The following KYAT1 variants were observed in gnomAD, a reference collection of about 807,000 sequenced individuals.
The protein encoded by KYAT1 is kynurenine--oxoglutarate transaminase 1.
In KYAT1, 47 loss-of-function variants were observed where a neutral mutation model predicts 52.4. The ratio of observed to expected loss-of-function variants is 0.90; its 90% CI spans 0.71 to 1.14. The LOEUF is 1.14. Among genes scored for constraint, KYAT1 ranks in the 50% most tolerant of loss-of-function variants. The probability of loss-of-function intolerance (pLI) is 0.00; values close to 1 mark genes in which losing one functional copy is unlikely to be tolerated. For missense variants in KYAT1, 480 were observed against 557.9 expected (o/e 0.86, Z 1.41); for synonymous variants, 212 against 209.6 (o/e 1.01, Z -0.10).
At chr9:128,845,252 A>G in intron 2 of KYAT1, 101 bp downstream of exon 2, 1 of 877,780 alleles carries the variant, frequency 1.1e-6, no homozygotes, top group Non-Finnish European at 1.8e-6. Context: ...CAGTCTGTGT[A>G]CCGCCACCAT....
chr9:128,854,444 TCG>T (rs969087656), intron 1 of KYAT1, among the ~76,000 whole-genome samples: 2 of 152,356 alleles, frequency 1.3e-5, no homozygotes, highest in East Asian at 3.9e-4. Context: ...GAGGTTTTGC[TCG>T]TGTTTCACCA....
intron 11 of KYAT1, chr9:128,835,068 C>CA: frequency 2.1e-6 from 1 of 470,814 alleles, no homozygotes; most frequent in East Asian, 4.2e-5. Context: ...ACCTGGGGGG[C>CA]AGAGCTTGCA....
chr9:128,842,945 T>C lies in KYAT1; in HGVS notation c.54-144A>G, dbSNP rs1832461695. On this transcript the variant is annotated intron_variant, in intron 2 of 12. Coordinates refer to ENST00000302586, the MANE Select transcript of KYAT1 (RefSeq NM_004059.5). ...ACTTTGGGAGGCCGAGGTGGGCGGA[T>C]CACCTGAGGTCAGGAGTTTGAGACC... The C allele has an allele frequency of 1.2e-5, 8 of 678,784 alleles. No homozygotes were observed. In the South Asian group the frequency reaches 1.4e-4, roughly 12 times the overall value. 42.0% of individuals were successfully genotyped at this position (678,784 alleles called of 1,614,324 possible).
At chr9:128,842,829 A>G (rs1832439088) in intron 2 of KYAT1, 28 bp from the exon 3 acceptor site, 1 of 1,604,064 alleles carries the variant, frequency 6.2e-7, no homozygotes, top group Non-Finnish European at 8.5e-7. Flanking sequence ...AATCAGCACC[A>G]GCCCAGCCCT....
intron 2 of KYAT1, 51 bp downstream of exon 2, chr9:128,845,302 A>C: frequency 1.0e-5 from 16 of 1,541,158 alleles, no homozygotes; most frequent in African/African-American, 2.7e-5. Context: ...AGGGATGGCC[A>C]ACCCATGCCC....
intron 1 of KYAT1, among the ~76,000 whole-genome samples, chr9:128,876,163 C>T (rs1837999557): frequency 6.6e-6 from 1 of 151,868 alleles, no homozygotes; most frequent in African/African-American, 2.4e-5. Flanking sequence ...GCCTTGAACT[C>T]CTGAGCTCAA....
At chr9:128,879,126 C>T (rs1454503232) in intron 1 of KYAT1, among the ~76,000 whole-genome samples, 4 of 152,106 alleles carry the variant, frequency 2.6e-5, no homozygotes, top group Admixed American at 6.5e-5. Context: ...CTGGCTAACA[C>T]GGTGAAACCC....
At chr9:128,865,338 TATA>T (rs1836147401) in intron 1 of KYAT1, among the ~76,000 whole-genome samples, 4 of 2,164 alleles carry the variant, frequency 1.8e-3, no homozygotes, top group South Asian at 0.015. Flanking sequence ...TATATATATA[TATA>T]TATATATATA....
In KYAT1 at chr9:128,833,626, C is replaced by G. The variant is rs772119011; in HGVS notation, c.1227G>C (p.Gln409His). ...ACTTCCGCAGCTTCTCGTCCATGGC[C>G]TGGAGCGTGGCTTCATCCTGCGCCA... ...FCFVKDEATLQAMDEKLRKWK... is the reference protein window; with the variant it reads ...FCFVKDEATLHAMDEKLRKWK... The change falls in exon 13 of 13, where the codon CAG becomes CAC. Residue 409 changes from glutamine (Q) to histidine (H), a missense_variant. Transcript: ENST00000302586. 1.2e-6 allele frequency: 2 copies of G among 1,614,112 alleles called. No individual in the cohort carries two copies. Among genetic ancestry groups the G allele is most frequent in the East Asian group, 2.2e-5 (1 of 44,898 alleles).
chr9:128,847,683 ATATGGTC>A, intron 1 of KYAT1: 1 of 563,908 alleles, frequency 1.8e-6, no homozygotes, highest in Non-Finnish European at 3.2e-6. Context: ...AACAACAACA[ATATGGTC>A]ATTGCGTGCC....
intron 1 of KYAT1, among the ~76,000 whole-genome samples, chr9:128,878,336 C>T (rs1304691240): frequency 1.3e-5 from 2 of 151,920 alleles, no homozygotes; most frequent in Non-Finnish European, 2.9e-5. Context: ...GGTTTTACCA[C>T]GTTGCCCAGG....
At chr9:128,846,831 G>A in intron 1 of KYAT1, 1 of 1,535,434 alleles carries the variant, frequency 6.5e-7, no homozygotes, top group Non-Finnish European at 8.7e-7. Context: ...CCGTGGAGCT[G>A]GGGATCCAAC....
intron 1 of KYAT1, among the ~76,000 whole-genome samples, chr9:128,855,989 A>G (rs1359217536): frequency 6.6e-6 from 1 of 152,204 alleles, no homozygotes; most frequent in African/African-American, 2.4e-5. Context: ...ATGATCGTAG[A>G]CAAACTGTCA....
At position 128,835,782 on chromosome 9, in the gene KYAT1, G is replaced by A; in HGVS notation, c.852C>T (p.Ser284=). 3 of 1,612,414 alleles carry A rather than the reference G, an allele frequency of 1.9e-6. No individual in the cohort carries two copies. Among genetic ancestry groups the A allele is most frequent in the Non-Finnish European group, 2.5e-6 (3 of 1,179,216 alleles). ...QNSVFHCPTQ[S]QAAVAESFER... The stretch of plus-strand genomic sequence containing the variant: ...GTGACGTCCTGCCCCTCTTCACCTG[G>A]CTCTGCGTGGGGCAGTGGAAGACGG... Residue 284 remains serine, a synonymous_variant, in exon 9 of 13, where the codon AGC becomes AGT. Coordinates refer to ENST00000302586, the MANE Select transcript of KYAT1 (RefSeq NM_004059.5).
intron 1 of KYAT1, among the ~76,000 whole-genome samples, chr9:128,870,985 A>G (rs1837143634): frequency 6.6e-6 from 1 of 152,050 alleles, no homozygotes; most frequent in South Asian, 2.1e-4. Flanking sequence ...ATTTTTTAAA[A>G]GGGTTGAAGA....
chr9:128,872,684 T>C (rs896143463), intron 1 of KYAT1, among the ~76,000 whole-genome samples: 1 of 150,948 alleles, frequency 6.6e-6, no homozygotes, highest in Non-Finnish European at 1.5e-5. Flanking sequence ...GGAGACCAGC[T>C]TGAACTCGGG....
chr9:128,882,412 G>A (rs1211429716), upstream of KYAT1: 1 of 295,832 alleles, frequency 3.4e-6, no homozygotes, highest in Non-Finnish European at 6.2e-6. Flanking sequence ...CCTACCTCTG[G>A]GCTCCCCAGT....
At chr9:128,841,490 C>T (rs931549779) in intron 3 of KYAT1, among the ~76,000 whole-genome samples, 14 of 151,550 alleles carry the variant, frequency 9.2e-5, no homozygotes, top group Non-Finnish European at 1.8e-4. Flanking sequence ...CGCTGCACTC[C>T]AGACTCCAGC....
upstream of KYAT1, chr9:128,882,499 C>G: frequency 2.6e-6 from 1 of 390,424 alleles, no homozygotes; most frequent in Non-Finnish European, 4.5e-6. Context: ...CCTGTGCCTC[C>G]TTGTGCTTCA....
Sources: gnomAD v4.1 joint callset for allele counts (sites outside exome capture counted in the v4.1 genomes callset) on GRCh38, gnomAD v4.1.1 for gene constraint, MANE v1.5 for transcripts, NCBI Gene and HGNC (gene_info 2026-07-23, HGNC 2026-07-21) for gene names.